The following SMPDL3B variants were observed in gnomAD, a reference collection of about 807,000 sequenced individuals.
SMPDL3B encodes the protein sphingomyelin phosphodiesterase acid like 3B.
SMPDL3B carries 31 observed loss-of-function variants against 37.9 expected under a neutral mutation model. That is an observed-to-expected ratio of 0.82 (90% CI 0.61 to 1.10). The LOEUF (loss-of-function observed/expected upper bound fraction) is 1.10, where lower values mean the gene tolerates loss of function less well. Among genes scored for constraint, SMPDL3B ranks in the 50% least tolerant of loss-of-function variants. The pLI is 0.00. For missense variants in SMPDL3B, 525 were observed against 597.8 expected (o/e 0.88, Z 1.27); for synonymous variants, 235 against 242.6 (o/e 0.97, Z 0.29).
intron 3 of SMPDL3B, among the ~76,000 whole-genome samples, chr1:27,950,562 T>C (rs988895262): frequency 2.0e-5 from 3 of 152,194 alleles, no homozygotes; most frequent in Non-Finnish European, 4.4e-5. Context: ...CAAGCAATCC[T>C]TCCATCTCAC....
intron 6 of SMPDL3B, 40 bp downstream of exon 6, chr1:27,955,904 T>G (rs112239082): frequency 1.2e-6 from 2 of 1,611,634 alleles, no homozygotes; most frequent in African/African-American, 2.7e-5. Context: ...CCCTCCCTCC[T>G]TCTCTCCCCA....
chr1:27,949,069 G>T lies in SMPDL3B; in HGVS notation c.280G>T (p.Asp94Tyr). The part of the protein sequence containing the change: ...EPDFILWTGD[D>Y]TPHVPDEKLG... ...TGGCTTGGTGGTGTTTTGTAGTGAT[G>T]ACACGCCTCATGTGCCCGATGAGAA... Residue 94 changes from aspartate to tyrosine, a missense_variant, in exon 3 of 8, where the codon GAC (aspartate) becomes TAC (tyrosine). Asp to Tyr is a radical substitution (Grantham distance 160, BLOSUM62 -3). Coordinates refer to ENST00000373894, the MANE Select transcript of SMPDL3B (RefSeq NM_014474.4). 6.2e-7 allele frequency: 1 copy of T among 1,614,186 alleles called. No homozygotes were observed. The highest frequency in any genetic ancestry group is 1.1e-5 in the South Asian group (1 of 91,082).
intron 1 of SMPDL3B, among the ~76,000 whole-genome samples, chr1:27,940,445 A>AC (rs56043553): frequency 2.0e-5 from 3 of 152,158 alleles, no homozygotes; most frequent in Admixed American, 6.5e-5. Context: ...CCCATTTATG[A>AC]AATCATCTCA....
At chr1:27,941,500 G>A (rs1463683361) in intron 1 of SMPDL3B, 1 of 152,402 alleles carries the variant, frequency 6.6e-6, no homozygotes, top group African/African-American at 2.4e-5. Flanking sequence ...GGACATAGAG[G>A]TAAACAAGAC....
At chr1:27,942,675 T>A (rs995491395) in intron 1 of SMPDL3B, among the ~76,000 whole-genome samples, 25 of 150,350 alleles carry the variant, frequency 1.7e-4, no homozygotes, top group Admixed American at 1.7e-3. Flanking sequence ...GTTGTTGTGT[T>A]TTTTTTTGAG....
chr1:27,949,767 A>C (rs1454310918), intron 3 of SMPDL3B, among the ~76,000 whole-genome samples: 1 of 152,168 alleles, frequency 6.6e-6, no homozygotes, highest in African/African-American at 2.4e-5. Flanking sequence ...CCTGGAGGCT[A>C]AATCTGGCTG....
In SMPDL3B at chr1:27,945,233, G is replaced by A. The variant is rs200259391; in HGVS notation, c.63G>A (p.Gly21=). ...ANWGGARAEP[G]KFWHIADLHL... ...AGGAGGATGTTTTTTCCCCTGCAGG[G>A]AAGTTCTGGCACATCGCTGACCTGC... Residue 21 remains glycine (G), a splice_region_variant and synonymous_variant, in exon 2 of 8, where the codon GGG becomes GGA. Coordinates refer to ENST00000373894, the MANE Select transcript of SMPDL3B (RefSeq NM_014474.4). The surrounding 1 kb of genome is among the most constrained non-coding windows in gnomAD (Gnocchi z 4.0). 190 of 1,613,964 alleles carry A rather than the reference G, an allele frequency of 1.2e-4. No individual in the cohort carries two copies. In the Admixed American group the frequency reaches 3.2e-3, roughly 27 times the overall value.
chr1:27,952,885 A>G (rs2090465446), intron 3 of SMPDL3B, among the ~76,000 whole-genome samples: 1 of 152,228 alleles, frequency 6.6e-6, no homozygotes, highest in Admixed American at 6.5e-5. Context: ...AGGAATTGGG[A>G]ACACTAAATT....
At chr1:27,942,926 T>C (rs2090373373) in intron 1 of SMPDL3B, among the ~76,000 whole-genome samples, 1 of 151,368 alleles carries the variant, frequency 6.6e-6, no homozygotes, top group South Asian at 2.1e-4. Flanking sequence ...CCTCCCAAAG[T>C]GCTGAGATTA....
intron 4 of SMPDL3B, among the ~76,000 whole-genome samples, 175 bp downstream of exon 4, chr1:27,953,533 C>T (rs2090472426): frequency 6.6e-6 from 1 of 152,194 alleles, no homozygotes; most frequent in Non-Finnish European, 1.5e-5. Context: ...AGAATTAACT[C>T]CAAAGCCCTT....
At chr1:27,952,913 G>A (rs954546894) in intron 3 of SMPDL3B, among the ~76,000 whole-genome samples, 1 of 152,182 alleles carries the variant, frequency 6.6e-6, no homozygotes, top group Admixed American at 6.5e-5. Context: ...GGCTGATGAC[G>A]ATCGGACTCA....
At chr1:27,942,481 A>G in intron 1 of SMPDL3B, 1 of 383,934 alleles carries the variant, frequency 2.6e-6, no homozygotes, top group South Asian at 2.0e-5. Flanking sequence ...TTGTCACTGT[A>G]TTCTTTTTAA....
rs539311007 is a variant in SMPDL3B, at chr1:27,946,978, T to C, written c.275+1533T>C. 6.6e-5 allele frequency among the ~76,000 whole-genome samples: 10 copies of C among 152,094 alleles called. 2 individuals carry two copies. Among genetic ancestry groups the C allele is most frequent in the Middle Eastern group, 3.4e-3 (1 of 292 alleles). On this transcript the variant is annotated intron_variant, in intron 2 of 7. Coordinates refer to ENST00000373894, the MANE Select transcript of SMPDL3B (RefSeq NM_014474.4). ...CTGATTTCTCCGAGAAGGGAGAGCA[T>C]GTGTAGCATTCAGACAGATGGGATC...
chr1:27,958,809 C>T lies in SMPDL3B; in HGVS notation c.1339C>T (p.Leu447=). The change falls in exon 8 of 8, where the codon CTG becomes TTG. Residue 447 remains leucine (L), a synonymous_variant. Coordinates refer to ENST00000373894, the MANE Select transcript of SMPDL3B (RefSeq NM_014474.4). This position sits in a 1 kb window ranked among gnomAD's most constrained non-coding sequence, Gnocchi z 5.6. ...CCAGCTCCCGCTGCTGCTGATGGCC[C>T]TGCTGGGCCTGTGCACGCTCGTGCT... ...VPQLPLLLMA[L]LGLCTLVL is the part of the protein sequence containing the mutation. 6.2e-7 allele frequency: 1 copy of T among 1,604,534 alleles called. No individual in the cohort carries two copies. The highest frequency in any genetic ancestry group is 8.5e-7 in the Non-Finnish European group (1 of 1,174,098).
At position 27,958,038 on chromosome 1, in the gene SMPDL3B, C is replaced by G. The variant is rs753029002; in HGVS notation, c.1006-438C>G. On this transcript the variant is annotated intron_variant, in intron 7 of 7. Coordinates refer to ENST00000373894, the MANE Select transcript of SMPDL3B (RefSeq NM_014474.4). This position sits in a 1 kb window ranked among gnomAD's most constrained non-coding sequence, Gnocchi z 5.6. Reference sequence around the variant, plus strand: ...GCAGAGTCTAGCCGTGAACATGCACCTGGGTCCTAGGAGTCTACAGTTCAT... The same window carrying G: ...GCAGAGTCTAGCCGTGAACATGCACGTGGGTCCTAGGAGTCTACAGTTCAT... 1.5e-4 allele frequency among the ~76,000 whole-genome samples: 23 copies of G among 152,194 alleles called. No individual in the cohort carries two copies. Among genetic ancestry groups the G allele is most frequent in the Admixed American group, 3.9e-4 (6 of 15,278 alleles).
rs565530109 is a variant in SMPDL3B at position 27,945,009 on chromosome 1, A to G, written c.62-223A>G. Among the ~76,000 whole-genome samples the G allele has an allele frequency of 2.7e-4, 41 of 152,258 alleles. 1 individual carries two copies. The East Asian group carries it at 3.5e-3, about 13-fold the overall frequency. ...GGGGAGGAGGACGGGGCCTTGCCAA[A>G]GGTCAGCGCTCAGGGATGGAGCTGA... On this transcript the variant is annotated intron_variant, in intron 1 of 7. Transcript: ENST00000373894. The surrounding 1 kb of genome is among the most constrained non-coding windows in gnomAD (Gnocchi z 4.0).
intron 3 of SMPDL3B, among the ~76,000 whole-genome samples, chr1:27,950,678 A>G (rs761036100): frequency 6.6e-6 from 1 of 152,084 alleles, no homozygotes; most frequent in Non-Finnish European, 1.5e-5. Context: ...CGCCCAAGCT[A>G]AAGTGCAGTG....
chr1:27,957,236 T>C (rs1367433625), intron 7 of SMPDL3B, among the ~76,000 whole-genome samples: 1 of 151,894 alleles, frequency 6.6e-6, no homozygotes, highest in African/African-American at 2.4e-5. Flanking sequence ...GATGACAGGA[T>C]AGTAGCTTGC....
At chr1:27,957,533 G>A (rs1396334095) in intron 7 of SMPDL3B, among the ~76,000 whole-genome samples, 3 of 152,178 alleles carry the variant, frequency 2.0e-5, no homozygotes, top group Non-Finnish European at 4.4e-5. Context: ...GTTGGAGCTT[G>A]AAGAGGTGAG....
Sources: gnomAD v4.1 joint callset for allele counts (sites outside exome capture counted in the v4.1 genomes callset) on GRCh38, gnomAD v4.1.1 for gene constraint, Gnocchi (gnomAD v3.1) non-coding constraint, MANE v1.5 for transcripts, NCBI Gene and HGNC (gene_info 2026-07-23, HGNC 2026-07-21) for gene names.